Variants in FBXO17 observed in about 807,000 individuals in gnomAD.
FBXO17 encodes F-box protein 17.
In FBXO17, 43 loss-of-function variants were observed where a neutral mutation model predicts 34.1. That is an observed-to-expected ratio of 1.26 (90% CI 0.99 to 1.62). The LOEUF is 1.62. Ranked by LOEUF, FBXO17 falls within the 40% of genes most tolerant of loss-of-function variation. The pLI is 0.00. For missense variants in FBXO17, 424 were observed against 386.7 expected, an observed-to-expected ratio of 1.10 and a Z score of -0.81; for synonymous variants, 169 against 166.0, an observed-to-expected ratio of 1.02 and a Z score of -0.14.
rs1028723334 is a variant in FBXO17 at position 38,941,991 on chromosome 19, A to G, written c.*617T>C. ...GAGGGATTTATAAGCCCTCTCTTAT[A>G]AATCCTGGTTTAGCCTTTGTTTTGT... On this transcript the variant is annotated 3_prime_UTR_variant, in exon 6 of 6. Coordinates refer to ENST00000292852, the MANE Select transcript of FBXO17 (RefSeq NM_024907.7). The G allele has an allele frequency of 1.3e-5, 2 of 151,922 alleles. No individual in the cohort carries two copies. Among genetic ancestry groups the G allele is most frequent in the African/African-American group, 4.8e-5 (2 of 41,350 alleles). The allele number at this position is 151,922 out of a possible 1,614,324, so 9.4% of individuals were successfully genotyped here. A position where few individuals can be genotyped will look rare whatever the true frequency, so the allele number is the denominator to read the frequency against.
chr19:38,962,071 C>T (rs1198120884), intron 1 of FBXO17, among the ~76,000 whole-genome samples: 1 of 130,922 alleles, frequency 7.6e-6, no homozygotes, highest in East Asian at 2.5e-4. Flanking sequence ...AGCTGCGAAA[C>T]TGGAGTTTGG....
chr19:38,973,349 T>G (rs1198496790), intron 1 of FBXO17, among the ~76,000 whole-genome samples: 1 of 152,126 alleles, frequency 6.6e-6, no homozygotes, highest in Non-Finnish European at 1.5e-5. Context: ...CACTCCAGCC[T>G]GGGCGACAGA....
chr19:38,962,694 ATTTC>A (rs1460524282), intron 1 of FBXO17, among the ~76,000 whole-genome samples: 1 of 150,288 alleles, frequency 6.7e-6, no homozygotes, highest in Non-Finnish European at 1.5e-5. Flanking sequence ...TGTATCTGCT[ATTTC>A]TTTCTTTCTT....
At position 38,967,454 on chromosome 19, in the gene FBXO17, TAAAA is replaced by T. The variant is rs550431912; in HGVS notation, c.-18+8128_-18+8131del. 2.6e-4 allele frequency among the ~76,000 whole-genome samples: 39 copies of T among 150,260 alleles called. No individual in the cohort carries two copies. The South Asian group carries it at 5.1e-3, about 19-fold the overall frequency. The stretch of plus-strand genomic sequence containing the variant: ...AAACTCCATCTCAAAAAAATAAAAA[TAAAA>T]AAGAAAGAAAGACAAAAGATTTGAG... On this transcript the variant is annotated intron_variant, in intron 1 of 5. Transcript: ENST00000292852.
intron 5 of FBXO17, 101 bp from the exon 6 acceptor site, chr19:38,942,852 C>A (rs906274413): frequency 2.3e-6 from 3 of 1,309,690 alleles, no homozygotes; most frequent in Non-Finnish European, 3.0e-6. Context: ...GCCAGTCCTG[C>A]GCTAGTTTGC....
intron 4 of FBXO17, chr19:38,945,998 A>G: frequency 5.4e-6 from 1 of 185,414 alleles, no homozygotes; most frequent in Non-Finnish European, 1.2e-5. Context: ...TTTTCTATGG[A>G]AGAGCCACAG....
intron 3 of FBXO17, 68 bp downstream of exon 3, chr19:38,948,499 G>A (rs1975019923): frequency 5.8e-6 from 7 of 1,212,430 alleles, no homozygotes; most frequent in Non-Finnish European, 8.3e-6. Context: ...AGGACAGTGT[G>A]GGGGGTAGGG....
At chr19:38,944,911 G>A (rs2144808112) in intron 5 of FBXO17, 58 bp downstream of exon 5, 1 of 1,603,146 alleles carries the variant, frequency 6.2e-7, no homozygotes, top group East Asian at 2.2e-5. Context: ...GCAGACGAGA[G>A]GCTGGGCGTG....
At chr19:38,964,628 A>T (rs1434467310) in intron 1 of FBXO17, among the ~76,000 whole-genome samples, 1 of 151,796 alleles carries the variant, frequency 6.6e-6, no homozygotes, top group Non-Finnish European at 1.5e-5. Context: ...TTAACCAGAC[A>T]TGGTTGCAAG....
chr19:38,962,670 G>A (rs1394667726), intron 1 of FBXO17, among the ~76,000 whole-genome samples: 1 of 152,018 alleles, frequency 6.6e-6, no homozygotes, highest in African/African-American at 2.4e-5. Context: ...GACTTAGGAG[G>A]AGTGGCTGCT....
In FBXO17 at chr19:38,941,938, C is replaced by T. The variant is rs1473336965; in HGVS notation, c.*670G>A. On this transcript the variant is annotated 3_prime_UTR_variant, in exon 6 of 6. Transcript: ENST00000292852. ...CACGATCATTACCCCCAAAACATGCCGGCAAGTCTCTGCTCCCTGCGTCGG... is the reference window on the plus strand; with the variant it reads ...CACGATCATTACCCCCAAAACATGCTGGCAAGTCTCTGCTCCCTGCGTCGG... 2.6e-5 allele frequency: 4 copies of T among 152,178 alleles called. No individual in the cohort carries two copies. The highest frequency in any genetic ancestry group is 2.1e-4 in the South Asian group (1 of 4,828). The allele number at this position is 152,178 out of a possible 1,614,324, so 9.4% of individuals were successfully genotyped here. A position where few individuals can be genotyped will look rare whatever the true frequency, so the allele number is the denominator to read the frequency against.
chr19:38,957,164 G>A (rs1975178200), intron 1 of FBXO17, among the ~76,000 whole-genome samples: 1 of 152,060 alleles, frequency 6.6e-6, no homozygotes. Flanking sequence ...GTTGCAGCGA[G>A]CAGAGATCAC....
intron 1 of FBXO17, among the ~76,000 whole-genome samples, chr19:38,970,769 T>C (rs186095363): frequency 6.6e-6 from 1 of 152,258 alleles, no homozygotes; most frequent in East Asian, 1.9e-4. Flanking sequence ...AGGGGACTTA[T>C]GTAACATACC....
In FBXO17 at chr19:38,950,035, G is replaced by A; in HGVS notation, c.285C>T (p.Ala95=). ...NEDKEEFPLC[A]LARYCLRAPF... The stretch of plus-strand genomic sequence containing the variant: ...GCGCGCGCAGACAGTAGCGCGCCAG[G>A]GCGCACAGCGGGAACTCCTCCTTGT... The change falls in exon 2 of 6, where the codon GCC becomes GCT. Residue 95 remains alanine (A), a synonymous_variant. Coordinates refer to ENST00000292852, the MANE Select transcript of FBXO17 (RefSeq NM_024907.7). The A allele has an allele frequency of 1.3e-6, 2 of 1,565,818 alleles. No individual in the cohort carries two copies. Among genetic ancestry groups the A allele is most frequent in the African/African-American group, 1.4e-5 (1 of 73,598 alleles).
At chr19:38,947,675 A>G (rs1464275669) in intron 3 of FBXO17, among the ~76,000 whole-genome samples, 1 of 152,206 alleles carries the variant, frequency 6.6e-6, no homozygotes, top group African/African-American at 2.4e-5. Flanking sequence ...AGGTGGCACC[A>G]TCATTCCATG....
intron 4 of FBXO17, 191 bp downstream of exon 4, chr19:38,946,281 A>G: frequency 7.3e-6 from 7 of 963,620 alleles, no homozygotes; most frequent in Non-Finnish European, 1.0e-5. Context: ...AGGAGTGCAG[A>G]GTGGGGGCTC....
At chr19:38,972,828 C>T (rs1470289403) in intron 1 of FBXO17, among the ~76,000 whole-genome samples, 2 of 151,992 alleles carry the variant, frequency 1.3e-5, no homozygotes, top group African/African-American at 4.8e-5. Flanking sequence ...GGCGCGATCT[C>T]GGCTCACTGC....
intron 5 of FBXO17, among the ~76,000 whole-genome samples, chr19:38,943,211 T>C (rs1334721640): frequency 1.4e-5 from 1 of 73,796 alleles, no homozygotes; most frequent in African/African-American, 9.0e-5. Context: ...AGGAGGACTT[T>C]GGCTTTTTTT....
chr19:38,960,672 CTAA>C (rs1455469083), intron 1 of FBXO17, among the ~76,000 whole-genome samples: 2 of 151,558 alleles, frequency 1.3e-5, no homozygotes, highest in African/African-American at 4.9e-5. Context: ...CCCACACCGG[CTAA>C]TTTTTGTATT....
Sources: gnomAD v4.1 joint callset for allele counts (sites outside exome capture counted in the v4.1 genomes callset) on GRCh38, gnomAD v4.1.1 for gene constraint, MANE v1.5 for transcripts, NCBI Gene and HGNC (gene_info 2026-07-23, HGNC 2026-07-21) for gene names.